EYA1: variants seen among roughly 807,000 people sequenced by gnomAD.
EYA1 encodes protein phosphatase EYA1.
EYA1 carries 16 observed loss-of-function variants against 82.0 expected under a neutral mutation model. That is an observed-to-expected ratio of 0.20 (90% confidence interval 0.13 to 0.30). The LOEUF (loss-of-function observed/expected upper bound fraction) is 0.30, where lower values mean the gene tolerates loss of function less well. Among genes scored for constraint, EYA1 ranks in the 10% least tolerant of loss-of-function variants. The probability of loss-of-function intolerance (pLI) is 1.00; values close to 1 mark genes in which losing one functional copy is unlikely to be tolerated. For synonymous variants in EYA1, 261 were observed against 264.4 expected (o/e 0.99, Z 0.12); for missense variants, 633 against 730.7 (o/e 0.87, Z 1.54).
intron 12 of EYA1, among the ~76,000 whole-genome samples, chr8:71,236,747 C>T (rs1437222347): frequency 2.6e-5 from 4 of 152,142 alleles, no homozygotes; most frequent in Non-Finnish European, 5.9e-5. Context: ...AGATATCATG[C>T]TGTTAAATGG....
intron 7 of EYA1, among the ~76,000 whole-genome samples, chr8:71,317,174 T>C (rs1216674241): frequency 6.6e-6 from 1 of 152,170 alleles, no homozygotes; most frequent in Non-Finnish European, 1.5e-5. Flanking sequence ...TTTGGAAAAG[T>C]TGGATGGTAA....
At chr8:71,479,621 A>C (rs1809963758) in intron 2 of EYA1, among the ~76,000 whole-genome samples, 2 of 88,268 alleles carry the variant, frequency 2.3e-5, no homozygotes, top group African/African-American at 1.4e-4. Flanking sequence ...CACTTTCTTT[A>C]TGAAAAAAAA....
At chr8:71,461,994 T>G (rs1808396878) in intron 2 of EYA1, among the ~76,000 whole-genome samples, 1 of 152,040 alleles carries the variant, frequency 6.6e-6, no homozygotes, top group Non-Finnish European at 1.5e-5. Context: ...GGGGAGGAAG[T>G]GCATGCTGCT....
chr8:71,297,667 A>G (rs1022585842), intron 9 of EYA1, among the ~76,000 whole-genome samples: 2 of 152,166 alleles, frequency 1.3e-5, no homozygotes, highest in Non-Finnish European at 2.9e-5. Flanking sequence ...CATGATGCCT[A>G]TATGAAGTTT....
intron 2 of EYA1, chr8:71,404,142 A>C (rs979306171): frequency 1.3e-5 from 2 of 152,234 alleles, no homozygotes; most frequent in Admixed American, 6.5e-5. Context: ...CCTACTTAGG[A>C]GTATTTTGTG....
intron 4 of EYA1, among the ~76,000 whole-genome samples, chr8:71,324,754 A>G (rs560351757): frequency 1.3e-5 from 2 of 152,210 alleles, no homozygotes; most frequent in Non-Finnish European, 2.9e-5. Flanking sequence ...CGTGGAAATT[A>G]GAACTTCACA....
At chr8:71,240,199 A>G (rs1434523134) in intron 12 of EYA1, among the ~76,000 whole-genome samples, 1 of 151,848 alleles carries the variant, frequency 6.6e-6, no homozygotes, top group South Asian at 2.1e-4. Flanking sequence ...ACCATCCACA[A>G]GCCCCTTTCC....
chr8:71,312,436 T>C (rs1252702939), intron 7 of EYA1, among the ~76,000 whole-genome samples: 5 of 152,178 alleles, frequency 3.3e-5, no homozygotes, highest in Non-Finnish European at 5.9e-5. Flanking sequence ...AGGTTCTTAT[T>C]ATTTATTTAT....
chr8:71,471,570 T>C (rs1171626454), intron 2 of EYA1, among the ~76,000 whole-genome samples: 1 of 152,080 alleles, frequency 6.6e-6, no homozygotes, highest in Non-Finnish European at 1.5e-5. Context: ...ACAAAAGTGA[T>C]CTCGTACTCA....
Position 71,199,023 on chromosome 8 carries a change from T to TAACA in EYA1, c.*313_*316dup, listed in dbSNP as rs1806594032. The TAACA allele has an allele frequency of 2.5e-6, 1 of 399,540 alleles. No homozygotes were observed. Among genetic ancestry groups the TAACA allele is most frequent in the Admixed American group, 3.7e-5 (1 of 27,160 alleles). The allele number at this position is 399,540 out of a possible 1,614,324, so 24.7% of individuals were successfully genotyped here. A position where few individuals can be genotyped will look rare whatever the true frequency, so the allele number is the denominator to read the frequency against. On this transcript the variant is annotated 3_prime_UTR_variant, in exon 18 of 18. Coordinates refer to ENST00000340726, the MANE Select transcript of EYA1 (RefSeq NM_000503.6). The stretch of plus-strand genomic sequence containing the variant: ...GCTGTTTATATCACATTGAAAATGC[T>TAACA]AACAACTGAAGCGTTTGCAGGTCCT...
At chr8:71,506,424 A>G (rs1463094434) in intron 2 of EYA1, among the ~76,000 whole-genome samples, 1 of 152,176 alleles carries the variant, frequency 6.6e-6, no homozygotes, top group African/African-American at 2.4e-5. Context: ...AGTGTGCAAA[A>G]TATTTTTTTC....
At chr8:71,492,861 A>T (rs1811124604) in intron 2 of EYA1, among the ~76,000 whole-genome samples, 1 of 152,198 alleles carries the variant, frequency 6.6e-6, no homozygotes, top group South Asian at 2.1e-4. Flanking sequence ...TTCATCACCC[A>T]GGTATTAAGC....
intron 2 of EYA1, among the ~76,000 whole-genome samples, chr8:71,506,351 C>T (rs985056125): frequency 1.3e-5 from 2 of 152,190 alleles, no homozygotes; most frequent in Non-Finnish European, 2.9e-5. Flanking sequence ...CAGCTCAAGG[C>T]TCCATTTAAC....
At chr8:71,373,099 C>T (rs1165751024) in intron 2 of EYA1, among the ~76,000 whole-genome samples, 1 of 152,064 alleles carries the variant, frequency 6.6e-6, no homozygotes, top group Non-Finnish European at 1.5e-5. Flanking sequence ...TCTCACCATA[C>T]CACCTCTGTT....
At chr8:71,362,207 T>G, upstream of EYA1, 1 of 943,990 alleles carries the variant, frequency 1.1e-6, no homozygotes, top group African/African-American at 1.8e-5. Flanking sequence ...ACCACAGCTA[T>G]TCTCTTGTCC....
At chr8:71,276,520 A>T (rs1267474103) in intron 9 of EYA1, among the ~76,000 whole-genome samples, 3 of 152,226 alleles carry the variant, frequency 2.0e-5, no homozygotes, top group African/African-American at 4.8e-5. Flanking sequence ...GGTACCAGTA[A>T]CTATCCACTT....
At chr8:71,212,025 A>G (rs1808581096) in intron 16 of EYA1, among the ~76,000 whole-genome samples, 1 of 152,212 alleles carries the variant, frequency 6.6e-6, no homozygotes, top group African/African-American at 2.4e-5. Context: ...TGGTGGCTAC[A>G]CTGTCAGCAC....
At chr8:71,547,775 G>T in intron 1 of EYA1, 1 of 150,822 alleles carries the variant, frequency 6.6e-6, no homozygotes. Context: ...GGCCGAGCGG[G>T]GCGGGGCGGG....
At chr8:71,545,725 C>A (rs1815507223) in intron 1 of EYA1, among the ~76,000 whole-genome samples, 1 of 151,928 alleles carries the variant, frequency 6.6e-6, no homozygotes, top group South Asian at 2.1e-4. Context: ...CCACGCCCAG[C>A]TAATTTTTTG....
Sources: allele counts gnomAD v4.1 joint callset (sites outside exome capture counted in the v4.1 genomes callset), GRCh38; gene constraint gnomAD v4.1.1; transcripts MANE v1.5; gene names NCBI Gene and HGNC (gene_info 2026-07-23, HGNC 2026-07-21).